The following CHD1L variants were observed in gnomAD, a reference collection of about 807,000 sequenced individuals.
The protein encoded by CHD1L is chromodomain helicase DNA binding protein 1 like, also known as ATP-dependent chromatin remodeler CHD1L.
A neutral mutation model predicts 115.9 loss-of-function variants in CHD1L; 118 were observed. The ratio of observed to expected loss-of-function variants is 1.02; its 90% CI spans 0.88 to 1.19. The LOEUF (loss-of-function observed/expected upper bound fraction) is 1.19. Among genes scored for constraint, CHD1L ranks in the 50% most tolerant of loss-of-function variants. CHD1L has a pLI of 0.00. For synonymous variants in CHD1L, 411 were observed against 387.1 expected (o/e 1.06, Z -0.72); for missense variants, 1,179 against 1,065.3 (o/e 1.11, Z -1.49).
At chr1:147,208,984 T>A in the CHD1L span, 3 of 1,613,952 alleles carry the variant, frequency 1.9e-6, no homozygotes, top group Non-Finnish European at 2.5e-6. Flanking sequence ...GAACAACACA[T>A]CAGCAGGATA....
At chr1:147,293,794 G>C in intron 21 of CHD1L, 72 bp downstream of exon 21, 1 of 1,255,474 alleles carries the variant, frequency 8.0e-7, no homozygotes, top group Non-Finnish European at 1.2e-6. Flanking sequence ...TTTGAAGGGA[G>C]GTAAGAAATG....
upstream of CHD1L, among the ~76,000 whole-genome samples, chr1:147,242,327 T>G (rs1553931316): frequency 3.3e-5 from 5 of 152,194 alleles, no homozygotes; most frequent in African/African-American, 7.2e-5. Flanking sequence ...GTCTTACTTC[T>G]AGAACCCCCA....
intron 19 of CHD1L, among the ~76,000 whole-genome samples, chr1:147,288,914 A>G (rs1035944363): frequency 2.0e-5 from 3 of 151,992 alleles, no homozygotes; most frequent in Non-Finnish European, 4.4e-5. Context: ...CAGAAATAAC[A>G]AAGTGGCAAG....
chr1:147,256,439 C>A, intron 4 of CHD1L, 92 bp from the exon 5 acceptor site: 1 of 1,122,808 alleles, frequency 8.9e-7, no homozygotes, highest in South Asian at 1.4e-5. Context: ...TTAGATAAAT[C>A]CTATAGTTTA....
At chr1:147,226,889 G>T in the CHD1L span, among the ~76,000 whole-genome samples, 1 of 151,328 alleles carries the variant, frequency 6.6e-6, no homozygotes, top group Admixed American at 6.6e-5. Context: ...CTGGAGTGCA[G>T]TGGTGCAATC....
chr1:147,244,695 T>C (rs1218234190), intron 1 of CHD1L, among the ~76,000 whole-genome samples: 1 of 150,072 alleles, frequency 6.7e-6, no homozygotes, highest in Admixed American at 6.7e-5. Flanking sequence ...TCATAACTTT[T>C]TTTCCTTATC....
the CHD1L span, among the ~76,000 whole-genome samples, chr1:147,201,937 A>C: frequency 2.0e-5 from 3 of 152,208 alleles, no homozygotes; most frequent in African/African-American, 7.2e-5. Flanking sequence ...AAACTGTATG[A>C]TAAATTACAT....
In CHD1L at chr1:147,254,804, G is replaced by A. The variant is rs781970573; in HGVS notation, c.241-66G>A. On this transcript the variant is annotated intron_variant, in intron 2 of 22. Coordinates refer to ENST00000369258, the MANE Select transcript of CHD1L (RefSeq NM_004284.6). ...AGTGTGTGTTCCCTACAGGGTTGTG[G>A]GAACTTCATGGTTGTTTCTCATGGG... 1.6e-4 allele frequency: 184 copies of A among 1,126,066 alleles called. 1 individual carries two copies. Among genetic ancestry groups the A allele is most frequent in the Non-Finnish European group, 2.3e-4 (179 of 787,530 alleles). The allele number at this position is 1,126,066 out of a possible 1,614,324, so 69.8% of individuals were successfully genotyped here. A position where few individuals can be genotyped will look rare whatever the true frequency, so the allele number is the denominator to read the frequency against.
the CHD1L span, chr1:147,186,734 G>A: frequency 7.0e-7 from 1 of 1,432,092 alleles, no homozygotes. Flanking sequence ...AATACAAATG[G>A]AAAACAGGTT....
At chr1:147,274,541 G>A (rs1263469139) in intron 12 of CHD1L, among the ~76,000 whole-genome samples, 6 of 152,118 alleles carry the variant, frequency 3.9e-5, no homozygotes, top group Non-Finnish European at 7.4e-5. Context: ...CAGCTCTAAC[G>A]ACCCTGGCAA....
At chr1:147,186,346 G>A in the CHD1L span, 8 of 970,202 alleles carry the variant, frequency 8.2e-6, no homozygotes, top group Admixed American at 3.7e-4. Context: ...GTACACTAGT[G>A]AATAGCAAGT....
At chr1:147,253,903 A>G (rs1669211980) in intron 2 of CHD1L, among the ~76,000 whole-genome samples, 1 of 152,238 alleles carries the variant, frequency 6.6e-6, no homozygotes, top group African/African-American at 2.4e-5. Flanking sequence ...TCAACATTGC[A>G]TAATATTCCA....
intron 14 of CHD1L, among the ~76,000 whole-genome samples, chr1:147,277,652 A>G (rs1679038756): frequency 6.6e-6 from 1 of 152,168 alleles, no homozygotes. Context: ...TAATGGTGCT[A>G]GGGCAGGCTG....
At chr1:147,273,663 A>T (rs1333506516) in intron 12 of CHD1L, among the ~76,000 whole-genome samples, 3 of 152,206 alleles carry the variant, frequency 2.0e-5, no homozygotes, top group African/African-American at 7.2e-5. Flanking sequence ...TCATCCTCAT[A>T]TTCAGAGAGC....
chr1:147,284,615 A>G (rs1359806384), intron 16 of CHD1L, 116 bp downstream of exon 16: 11 of 929,254 alleles, frequency 1.2e-5, no homozygotes, highest in African/African-American at 6.9e-5. Context: ...AGAAATAAGT[A>G]TGTGTTTGCT....
the CHD1L span, chr1:147,187,203 T>C: frequency 1.9e-6 from 3 of 1,613,938 alleles, no homozygotes; most frequent in Non-Finnish European, 2.5e-6. Flanking sequence ...CCATGGTATC[T>C]ATGTAGTCTC....
chr1:147,203,696 C>G, the CHD1L span: 4 of 1,499,530 alleles, frequency 2.7e-6, no homozygotes, highest in South Asian at 4.5e-5. Flanking sequence ...TTCTGTTGCT[C>G]CACCTCTGGG....
the CHD1L span, among the ~76,000 whole-genome samples, chr1:147,193,633 TG>T: frequency 6.6e-6 from 1 of 152,210 alleles, no homozygotes; most frequent in African/African-American, 2.4e-5. Flanking sequence ...TGCTTTCTCT[TG>T]TGGGCATTTA....
chr1:147,278,192 A>AG, intron 14 of CHD1L, among the ~76,000 whole-genome samples: 1 of 145,740 alleles, frequency 6.9e-6, no homozygotes, highest in Admixed American at 6.8e-5. Context: ...AAAAGAAAGC[A>AG]GGGGATTTTT....
Sources: allele counts gnomAD v4.1 joint callset (sites outside exome capture counted in the v4.1 genomes callset), GRCh38; gene constraint gnomAD v4.1.1; transcripts MANE v1.5; gene names NCBI Gene and HGNC (gene_info 2026-07-23, HGNC 2026-07-21).